ERMAP: variants seen among roughly 807,000 people sequenced by gnomAD.
ERMAP encodes the protein erythroblast membrane associated protein (Scianna blood group).
Under a neutral mutation model 49.5 loss-of-function variants are expected in ERMAP, and 34 were observed. The ratio of observed to expected loss-of-function variants is 0.69; its 90% CI spans 0.52 to 0.91. The LOEUF is 0.91. Among genes scored for constraint, ERMAP ranks in the 40% least tolerant of loss-of-function variants. The pLI, the probability that ERMAP is intolerant of heterozygous loss-of-function variation, is 0.00. For synonymous variants in ERMAP, 214 were observed against 232.2 expected (o/e 0.92, Z 0.71); for missense variants, 541 against 582.6 (o/e 0.93, Z 0.74).
At chr1:42,830,190 A>G (rs1029851700) in intron 2 of ERMAP, 4 of 512,696 alleles carry the variant, frequency 7.8e-6, no homozygotes, top group South Asian at 4.6e-5. Context: ...GTGAGCATTT[A>G]CCTCTTTCAA....
At chr1:42,817,328 C>CCCCTCCCCCCG in intron 1 of ERMAP, 75 bp downstream of exon 1, 1 of 1,076,372 alleles carries the variant, frequency 9.3e-7, no homozygotes, top group Non-Finnish European at 1.2e-6. Flanking sequence ...CGGGGCCGCG[C>CCCCTCCCCCCG]GCCGGGGGGA....
Position 42,829,060 on chromosome 1 carries a change from C to T in ERMAP, c.-5-1384C>T, listed in dbSNP as rs956290191. Among the ~76,000 whole-genome samples the T allele has an allele frequency of 5.9e-5, 9 of 152,314 alleles. No homozygotes were observed. The South Asian group carries it at 1.9e-3, about 32-fold the overall frequency. The stretch of plus-strand genomic sequence containing the variant: ...TAGAGAGCTTTTCTCATTTACTTAA[C>T]TTCTCTTGTCCAGTTTTTGAGTAGC... On this transcript the variant is annotated intron_variant, in intron 2 of 11. Transcript: ENST00000372517.
At chr1:42,837,304 C>G in intron 7 of ERMAP, 114 bp downstream of exon 7, 1 of 1,099,188 alleles carries the variant, frequency 9.1e-7, no homozygotes, top group Non-Finnish European at 1.3e-6. Flanking sequence ...TACACACATG[C>G]ACACATATAT....
intron 2 of ERMAP, 32 bp from the exon 3 acceptor site, chr1:42,830,412 C>T (rs769445230): frequency 1.9e-5 from 30 of 1,602,764 alleles, no homozygotes; most frequent in Non-Finnish European, 2.6e-5. Flanking sequence ...GCCCATCAGC[C>T]CGCTTGTGCT....
At chr1:42,825,885 AAC>A (rs1654531386) in intron 2 of ERMAP, 147 bp downstream of exon 2, 1 of 990,664 alleles carries the variant, frequency 1.0e-6, no homozygotes, top group Non-Finnish European at 1.3e-6. Context: ...TCACTAAAGA[AAC>A]ACAAAAGGAG....
Position 42,843,050 on chromosome 1 carries a change from CA to C in ERMAP, c.1247del (p.His416ProfsTer25). 1.9e-6 allele frequency: 3 copies of C among 1,614,172 alleles called. No individual in the cohort carries two copies. The highest frequency in any genetic ancestry group is 2.5e-6 in the Non-Finnish European group (3 of 1,180,038). On this transcript the variant is annotated frameshift_variant, in exon 12 of 12. Coordinates refer to ENST00000372517, the MANE Select transcript of ERMAP (RefSeq NM_001017922.2). LOFTEE classifies it high-confidence loss of function. Reference sequence around the variant, plus strand: ...ACCTCTAGTCATTTGTTCAGAACTACACAAATCAGAGGAATCAATTGTCCCC... The same window carrying C: ...ACCTCTAGTCATTTGTTCAGAACTACCAAATCAGAGGAATCAATTGTCCCC... ...TAPLVICSEL[H>X]KSEESIVPRP... is the part of the protein sequence containing the mutation.
At chr1:42,841,648 T>C (rs1364188525) in intron 11 of ERMAP, among the ~76,000 whole-genome samples, 1 of 152,234 alleles carries the variant, frequency 6.6e-6, no homozygotes, top group Non-Finnish European at 1.5e-5. Flanking sequence ...ACAATAGCTC[T>C]ACAACACAGG....
chr1:42,831,314 G>C (rs962123609), intron 4 of ERMAP, among the ~76,000 whole-genome samples, 199 bp downstream of exon 4: 1 of 152,328 alleles, frequency 6.6e-6, no homozygotes, highest in East Asian at 1.9e-4. Context: ...TTCTGATAAG[G>C]AAGGAACTCA....
rs1225955148 is a variant in ERMAP, at chr1:42,843,089, A to G, written c.1285A>G (p.Lys429Glu). The change falls in exon 12 of 12, where the codon AAA becomes GAA. Residue 429 changes from lysine (K) to glutamate (E), a missense_variant. Transcript: ENST00000372517. ...EESIVPRPEG[K>E]GHANGDVSLK... Reference sequence around the variant, plus strand: ...ATCAATTGTCCCCAGGCCAGAAGGGAAAGGCCATGCTAATGGAGATGTGTC... The same window carrying G: ...ATCAATTGTCCCCAGGCCAGAAGGGGAAGGCCATGCTAATGGAGATGTGTC... 2 of 1,614,082 alleles carry G rather than the reference A, an allele frequency of 1.2e-6. No individual in the cohort carries two copies. Among genetic ancestry groups the G allele is most frequent in the Non-Finnish European group, 1.7e-6 (2 of 1,180,038 alleles).
At chr1:42,825,803 G>T in intron 2 of ERMAP, 65 bp downstream of exon 2, 1 of 1,285,102 alleles carries the variant, frequency 7.8e-7, no homozygotes. Flanking sequence ...CTCAGGTTTA[G>T]TAGAGAAATA....
chr1:42,843,976 G>A lies in ERMAP; in HGVS notation c.*744G>A. 2 of 397,540 alleles carry A rather than the reference G, an allele frequency of 5.0e-6. No individual in the cohort carries two copies. Among genetic ancestry groups the A allele is most frequent in the Non-Finnish European group, 8.9e-6 (2 of 225,542 alleles). The allele number at this position is 397,540 out of a possible 1,614,324, so 24.6% of individuals were successfully genotyped here. A position where few individuals can be genotyped will look rare whatever the true frequency, so the allele number is the denominator to read the frequency against. ...AAACACAGTTGCAGAGAACTCAGCTGTATGTTGCCCTCTGACCTTGGCCCA... is the reference window on the plus strand; with the variant it reads ...AAACACAGTTGCAGAGAACTCAGCTATATGTTGCCCTCTGACCTTGGCCCA... On this transcript the variant is annotated 3_prime_UTR_variant, in exon 12 of 12. Transcript: ENST00000372517.
Position 42,832,179 on chromosome 1 carries a change from A to ATTT in ERMAP, c.433+1091_433+1093dup, listed in dbSNP as rs75673269. Among the ~76,000 whole-genome samples the ATTT allele has an allele frequency of 5.1e-3, 494 of 96,740 alleles. 58 individuals carry two copies. The highest frequency in any genetic ancestry group is 0.025 in the East Asian group (57 of 2,268). The allele number at this position is 96,740 out of a possible 152,430, so 63.5% of individuals were successfully genotyped here. A position where few individuals can be genotyped will look rare whatever the true frequency, so the allele number is the denominator to read the frequency against. The stretch of plus-strand genomic sequence containing the variant: ...TTGGAGTCCTTTGGGGTGAAAATTA[A>ATTT]TTTTTTTTTTTTTTTTTTTTTTTTT... On this transcript the variant is annotated intron_variant, in intron 4 of 11. Transcript: ENST00000372517.
rs376388780 is a variant in ERMAP, at chr1:42,842,835, C to G, written c.1031C>G (p.Ser344Cys). The G allele has an allele frequency of 6.2e-7, 1 of 1,614,046 alleles. No homozygotes were observed. Among genetic ancestry groups the G allele is most frequent in the Non-Finnish European group, 8.5e-7 (1 of 1,180,030 alleles). ...GGGAATGAGTATGAAGCTCTCACATCCCCGCAGACCTCCTTCCGCCTTAAA... is the reference window on the plus strand; with the variant it reads ...GGGAATGAGTATGAAGCTCTCACATGCCCGCAGACCTCCTTCCGCCTTAAA... ...SRGNEYEALT[S>C]PQTSFRLKEP... Residue 344 changes from serine to cysteine, a missense_variant, in exon 12 of 12, where the codon TCC (serine) becomes TGC (cysteine). Ser to Cys is a moderately radical substitution (Grantham distance 112). Coordinates refer to ENST00000372517, the MANE Select transcript of ERMAP (RefSeq NM_001017922.2).
Position 42,817,165 on chromosome 1 carries a change from G to C in ERMAP, c.-210G>C, listed in dbSNP as rs546105694. On this transcript the variant is annotated 5_prime_UTR_variant, in exon 1 of 12. Transcript: ENST00000372517. The stretch of plus-strand genomic sequence containing the variant: ...GAAAATGGCGGTCGCTGGAGCCGCC[G>C]ACCAAGAGGCTTGGGAGTCTGTACC... The C allele has an allele frequency of 8.3e-7, 1 of 1,205,546 alleles. No homozygotes were observed. The highest frequency in any genetic ancestry group is 1.4e-5 in the South Asian group (1 of 70,806). The allele number at this position is 1,205,546 out of a possible 1,614,324, so 74.7% of individuals were successfully genotyped here.
In ERMAP at chr1:42,817,150, G is replaced by A. The variant is rs1172787119; in HGVS notation, c.-225G>A. 1 of 1,200,886 alleles carries A rather than the reference G, an allele frequency of 8.3e-7. No homozygotes were observed. Among genetic ancestry groups the A allele is most frequent in the Admixed American group, 2.9e-5 (1 of 34,768 alleles). 74.4% of individuals were successfully genotyped at this position (1,200,886 alleles called of 1,614,324 possible). The stretch of plus-strand genomic sequence containing the variant: ...TTCCCTCTCCTGGAGGAAAATGGCG[G>A]TCGCTGGAGCCGCCGACCAAGAGGC... On this transcript the variant is annotated 5_prime_UTR_variant, in exon 1 of 12. Coordinates refer to ENST00000372517, the MANE Select transcript of ERMAP (RefSeq NM_001017922.2).
chr1:42,837,904 G>A (rs1480961658), intron 7 of ERMAP: 3 of 152,592 alleles, frequency 2.0e-5, no homozygotes, highest in African/African-American at 7.2e-5. Context: ...CCAAGCTGGT[G>A]CAAGCGTGGC....
In ERMAP at chr1:42,830,462, G is replaced by A. The variant is rs1654686388; in HGVS notation, c.14G>A (p.Ser5Asn). 5.6e-6 allele frequency: 9 copies of A among 1,614,170 alleles called. No individual in the cohort carries two copies. Among genetic ancestry groups the A allele is most frequent in the Non-Finnish European group, 7.6e-6 (9 of 1,180,018 alleles). MEMA[S>N]SAGSWLSGCL... ...GTCCTAGTTCGGATGGAGATGGCGA[G>A]TTCTGCTGGCTCCTGGCTCTCTGGC... The change falls in exon 3 of 12, where the codon AGT (serine) becomes AAT (asparagine). Residue 5 changes from serine (S) to asparagine (N), a missense_variant. Ser to Asn is a conservative substitution (Grantham distance 46). Coordinates refer to ENST00000372517, the MANE Select transcript of ERMAP (RefSeq NM_001017922.2).
chr1:42,843,211 G>A lies in ERMAP; in HGVS notation c.1407G>A (p.Glu469=). 6.3e-7 allele frequency: 1 copy of A among 1,589,350 alleles called. No homozygotes were observed. Among genetic ancestry groups the A allele is most frequent in the Non-Finnish European group, 8.5e-7 (1 of 1,170,294 alleles). Residue 469 remains glutamate, a synonymous_variant, in exon 12 of 12, where the codon GAG becomes GAA. Transcript: ENST00000372517. The part of the protein sequence containing the change: ...LPPDLGPALQ[E]LKAPSF ...CTGACCTTGGCCCAGCCCTTCAGGA[G>A]CTCAAGGCTCCTTCTTTTTAGGGAT...
chr1:42,823,664 A>T (rs1366169108), intron 1 of ERMAP, among the ~76,000 whole-genome samples: 1 of 152,220 alleles, frequency 6.6e-6, no homozygotes, highest in African/African-American at 2.4e-5. Flanking sequence ...TTCAGCTCAC[A>T]ACTCAATCAC....
Sources: allele counts gnomAD v4.1 joint callset (sites outside exome capture counted in the v4.1 genomes callset), GRCh38; gene constraint gnomAD v4.1.1; transcripts MANE v1.5; gene names NCBI Gene and HGNC (gene_info 2026-07-23, HGNC 2026-07-21).